Variants in HYCC2 observed in about 807,000 individuals in gnomAD.
HYCC2 encodes the protein hyccin 2.
At chr2:200,989,454 A>G in the HYCC2 span, among the ~76,000 whole-genome samples, 1 of 152,200 alleles carries the variant, frequency 6.6e-6, no homozygotes, top group South Asian at 2.1e-4. Flanking sequence ...AATTACTGCA[A>G]ATGCTACCTC....
At chr2:201,017,130 C>T in the HYCC2 span, 1 of 1,613,450 alleles carries the variant, frequency 6.2e-7, no homozygotes, top group Non-Finnish European at 8.5e-7. Context: ...CTCTGAGCTA[C>T]GATAGAGCTC....
chr2:201,007,034 A>C, the HYCC2 span, among the ~76,000 whole-genome samples: 1 of 152,206 alleles, frequency 6.6e-6, no homozygotes, highest in African/African-American at 2.4e-5. Context: ...TTATTTCTTT[A>C]AATCTATCTG....
At chr2:201,056,968 T>A in the HYCC2 span, among the ~76,000 whole-genome samples, 1 of 152,358 alleles carries the variant, frequency 6.6e-6, no homozygotes, top group East Asian at 1.9e-4. Flanking sequence ...CCAATAGCAA[T>A]GCCCTGAATT....
At chr2:201,069,504 T>G in the HYCC2 span, among the ~76,000 whole-genome samples, 1 of 151,218 alleles carries the variant, frequency 6.6e-6, no homozygotes, top group Non-Finnish European at 1.5e-5. Flanking sequence ...AGCCATTAGT[T>G]CTCTAAGACA....
the HYCC2 span, chr2:200,981,025 AAGGC>A: frequency 1.9e-6 from 1 of 536,578 alleles, no homozygotes; most frequent in Non-Finnish European, 3.3e-6. This position sits in a 1 kb window ranked among gnomAD's most constrained non-coding sequence, Gnocchi z 4.5. Context: ...AGGCATGGAA[AAGGC>A]AACCATTTTA....
the HYCC2 span, among the ~76,000 whole-genome samples, chr2:201,060,691 T>G: frequency 2.0e-5 from 3 of 152,198 alleles, no homozygotes; most frequent in African/African-American, 7.2e-5. Flanking sequence ...TTATTTCTTA[T>G]CTCTGTTTCC....
chr2:200,976,335 A>C, the HYCC2 span: 1 of 152,190 alleles, frequency 6.6e-6, no homozygotes, highest in Non-Finnish European at 1.5e-5. Flanking sequence ...ACTGATTAAA[A>C]AAGGAAAAAC....
chr2:201,059,644 C>A, the HYCC2 span, among the ~76,000 whole-genome samples: 1 of 152,158 alleles, frequency 6.6e-6, no homozygotes, highest in South Asian at 2.1e-4. Context: ...GGCCTCTCCC[C>A]TTCTCCCTCT....
the HYCC2 span, among the ~76,000 whole-genome samples, chr2:201,030,476 T>C: frequency 1.3e-5 from 2 of 152,032 alleles, no homozygotes; most frequent in Non-Finnish European, 2.9e-5. Flanking sequence ...TGTAGGTAAA[T>C]ATGTTATTTA....
At chr2:200,987,240 C>T in the HYCC2 span, 1 of 819,742 alleles carries the variant, frequency 1.2e-6, no homozygotes. Flanking sequence ...CAAAGAGAAG[C>T]TAATACACCC....
the HYCC2 span, chr2:200,992,247 G>GT: frequency 7.9e-7 from 1 of 1,260,828 alleles, no homozygotes; most frequent in Non-Finnish European, 1.2e-6. Flanking sequence ...TTAGGTACCA[G>GT]TATATTTAAT....
chr2:201,035,641 G>C, the HYCC2 span, among the ~76,000 whole-genome samples: 1 of 152,272 alleles, frequency 6.6e-6, no homozygotes. Context: ...TCCATTGCTG[G>C]TGAGGAGCTG....
the HYCC2 span, chr2:200,992,294 GA>G: frequency 6.2e-7 from 1 of 1,606,618 alleles, no homozygotes; most frequent in Non-Finnish European, 8.5e-7. Flanking sequence ...TAGTGGTTGA[GA>G]AAAAAGCTCT....
At chr2:201,014,111 C>G in the HYCC2 span, among the ~76,000 whole-genome samples, 1 of 152,188 alleles carries the variant, frequency 6.6e-6, no homozygotes, top group African/African-American at 2.4e-5. Context: ...GATAACTGAA[C>G]CACAGCACCA....
chr2:201,043,454 GAAAA>G, the HYCC2 span, among the ~76,000 whole-genome samples: 1 of 139,958 alleles, frequency 7.1e-6, no homozygotes, highest in Admixed American at 7.0e-5. Flanking sequence ...AAAAAAGAAA[GAAAA>G]ATAGAATAGT....
At chr2:201,040,607 T>A in the HYCC2 span, among the ~76,000 whole-genome samples, 1 of 151,978 alleles carries the variant, frequency 6.6e-6, no homozygotes, top group Non-Finnish European at 1.5e-5. Flanking sequence ...TGCCTCAGCC[T>A]CCGAGTAGCT....
the HYCC2 span, chr2:200,981,126 A>G: frequency 1.0e-6 from 1 of 961,112 alleles, no homozygotes; most frequent in Non-Finnish European, 1.6e-6. This position sits in a 1 kb window ranked among gnomAD's most constrained non-coding sequence, Gnocchi z 4.5. Flanking sequence ...CTGTTTTGAT[A>G]CAAAATACAG....
At chr2:201,029,003 G>A in the HYCC2 span, among the ~76,000 whole-genome samples, 5 of 152,074 alleles carry the variant, frequency 3.3e-5, no homozygotes, top group South Asian at 2.1e-4. Context: ...AGAAACTACT[G>A]TCAGAGTGAA....
the HYCC2 span, among the ~76,000 whole-genome samples, chr2:201,005,390 G>A: frequency 2.6e-5 from 4 of 151,960 alleles, no homozygotes; most frequent in Admixed American, 6.6e-5. Flanking sequence ...CTTTTTTCCC[G>A]TCTTTTCCAC....
Sources: gnomAD v4.1 joint callset for allele counts (sites outside exome capture counted in the v4.1 genomes callset) on GRCh38, gnomAD v4.1.1 for gene constraint, Gnocchi (gnomAD v3.1) non-coding constraint, MANE v1.5 for transcripts, NCBI Gene and HGNC (gene_info 2026-07-23, HGNC 2026-07-21) for gene names.